RYR2: variants seen among roughly 807,000 people sequenced by gnomAD.
The protein encoded by RYR2 is cardiac muscle ryanodine receptor-calcium release channel.
RYR2 carries 227 observed loss-of-function variants against 601.1 expected under a neutral mutation model. That is an observed-to-expected ratio of 0.38 (90% CI 0.34 to 0.42). RYR2 has a LOEUF of 0.42. Among genes scored for constraint, RYR2 ranks in the 10% least tolerant of loss-of-function variants. The probability of loss-of-function intolerance (pLI) is 1.00; values close to 1 mark genes in which losing one functional copy is unlikely to be tolerated. For missense variants in RYR2, 4,646 were observed against 6,156.5 expected (o/e 0.75, Z 8.21); for synonymous variants, 2,223 against 2,175.1 (o/e 1.02, Z -0.61).
At chr1:237,095,339 G>A (rs1403598438) in intron 1 of RYR2, among the ~76,000 whole-genome samples, 1 of 152,174 alleles carries the variant, frequency 6.6e-6, no homozygotes, top group Non-Finnish European at 1.5e-5. Flanking sequence ...CGCTTCAATG[G>A]TAGAGGGTTT....
At chr1:237,182,452 C>T (rs919553808) in intron 1 of RYR2, among the ~76,000 whole-genome samples, 9 of 152,126 alleles carry the variant, frequency 5.9e-5, no homozygotes, top group Admixed American at 5.9e-4. Flanking sequence ...TATACCCTGC[C>T]TCACCTTCCC....
At chr1:237,167,920 G>A (rs1406281692) in intron 1 of RYR2, among the ~76,000 whole-genome samples, 1 of 152,020 alleles carries the variant, frequency 6.6e-6, no homozygotes, top group African/African-American at 2.4e-5. Flanking sequence ...AGTCAGTTTA[G>A]ACAAGAAAGT....
At position 237,610,517 on chromosome 1, in the gene RYR2, A is replaced by G. The variant is rs917302506; in HGVS notation, c.4684-245A>G. ...CTCTGTGCCATTCAGTATATGGGAA[A>G]GACACATCCCGAAACCTGTTTGACT... On this transcript the variant is annotated intron_variant, in intron 35 of 104. Coordinates refer to ENST00000366574, the MANE Select transcript of RYR2 (RefSeq NM_001035.3). This position sits in a 1 kb window ranked among gnomAD's most constrained non-coding sequence, Gnocchi z 4.9. Among the ~76,000 whole-genome samples, 4 of 152,192 alleles carry G rather than the reference A, an allele frequency of 2.6e-5. No individual in the cohort carries two copies. Among genetic ancestry groups the G allele is most frequent in the African/African-American group, 9.7e-5 (4 of 41,438 alleles).
At position 237,441,435 on chromosome 1, in the gene RYR2, C is replaced by T. The variant is rs757201844; in HGVS notation, c.1122C>T (p.Tyr374=). The stretch of plus-strand genomic sequence containing the variant: ...TAGACACAGGCCTATGGCTTACTTA[C>T]CAGTCTGTGGACGTGAAATCCGTGA... ...QHVDTGLWLT[Y]QSVDVKSVRM... is the part of the protein sequence containing the mutation. Residue 374 remains tyrosine (Y), a synonymous_variant, in exon 13 of 105, where the codon TAC becomes TAT. Transcript: ENST00000366574. 11 of 1,607,466 alleles carry T rather than the reference C, an allele frequency of 6.8e-6. No homozygotes were observed. In the South Asian group the frequency reaches 1.2e-4, roughly 18 times the overall value.
intron 63 of RYR2, among the ~76,000 whole-genome samples, chr1:237,690,026 G>T (rs918043564): frequency 6.6e-6 from 1 of 151,870 alleles, no homozygotes; most frequent in Non-Finnish European, 1.5e-5. Flanking sequence ...TAGTAGAAAC[G>T]GGGTTTCACC....
chr1:237,183,981 GAGAA>G (rs1295616233), intron 1 of RYR2, among the ~76,000 whole-genome samples: 1 of 152,176 alleles, frequency 6.6e-6, no homozygotes, highest in African/African-American at 2.4e-5. Flanking sequence ...AGCTGCATAA[GAGAA>G]AGAGATTCCA....
chr1:237,151,500 A>T (rs567553882), intron 1 of RYR2, among the ~76,000 whole-genome samples: 2 of 152,200 alleles, frequency 1.3e-5, no homozygotes, highest in Non-Finnish European at 2.9e-5. Flanking sequence ...ACTGAGCTGT[A>T]AGCAGGATAG....
At chr1:237,751,546 C>T (rs189198306) in intron 80 of RYR2, among the ~76,000 whole-genome samples, 61 of 152,248 alleles carry the variant, frequency 4.0e-4, no homozygotes, top group African/African-American at 1.4e-3. Flanking sequence ...TCTAAATATG[C>T]TGTATCCCTG....
chr1:237,297,673 A>C (rs1692926421), intron 2 of RYR2, among the ~76,000 whole-genome samples: 1 of 151,928 alleles, frequency 6.6e-6, no homozygotes. Context: ...TCACTGTAAA[A>C]GAGTATTCCT....
intron 24 of RYR2, among the ~76,000 whole-genome samples, chr1:237,525,177 T>C (rs946099751): frequency 2.6e-5 from 4 of 152,168 alleles, no homozygotes; most frequent in African/African-American, 9.7e-5. Flanking sequence ...TATATCTGTG[T>C]GTATCCACTT....
intron 1 of RYR2, among the ~76,000 whole-genome samples, chr1:237,224,899 T>A (rs2149159250): frequency 6.6e-6 from 1 of 152,246 alleles, no homozygotes; most frequent in Non-Finnish European, 1.5e-5. Context: ...CATCCCCACT[T>A]TACAGGTGAG....
At chr1:237,506,383 A>G (rs1487791744) in intron 22 of RYR2, among the ~76,000 whole-genome samples, 1 of 152,022 alleles carries the variant, frequency 6.6e-6, no homozygotes, top group Admixed American at 6.6e-5. Context: ...TAAAAATACA[A>G]AAAAATTAGC....
Position 237,249,463 on chromosome 1 carries a change from T to C in RYR2, c.49-21034T>C, listed in dbSNP as rs546475654. The stretch of plus-strand genomic sequence containing the variant: ...AGTATTAGTAACTATATTATGGTAC[T>C]TCATAGTTTACAAAGGGCTTTCATA... On this transcript the variant is annotated intron_variant, in intron 1 of 104. Transcript: ENST00000366574. Among the ~76,000 whole-genome samples, 5 of 152,338 alleles carry C rather than the reference T, an allele frequency of 3.3e-5. No homozygotes were observed. In the South Asian group the frequency reaches 1.0e-3, roughly 32 times the overall value.
chr1:237,415,474 T>C (rs1423895018), intron 10 of RYR2, among the ~76,000 whole-genome samples: 1 of 152,216 alleles, frequency 6.6e-6, no homozygotes, highest in East Asian at 1.9e-4. Flanking sequence ...TGTTGTGTTA[T>C]AATGGGAAGT....
intron 23 of RYR2, among the ~76,000 whole-genome samples, chr1:237,508,683 T>C (rs191240375): frequency 3.8e-4 from 58 of 151,438 alleles, no homozygotes; most frequent in Non-Finnish European, 6.9e-4. Context: ...TTAGTTCTGG[T>C]TGATACCATA....
chr1:237,335,883 A>G (rs1305200147), intron 3 of RYR2, among the ~76,000 whole-genome samples: 1 of 152,220 alleles, frequency 6.6e-6, no homozygotes, highest in Admixed American at 6.5e-5. Context: ...TTAAAAATCT[A>G]TAAAATTCAC....
chr1:237,761,183 G>C (rs1693406463), intron 84 of RYR2, among the ~76,000 whole-genome samples, 155 bp downstream of exon 84: 2 of 152,066 alleles, frequency 1.3e-5, no homozygotes, highest in African/African-American at 4.8e-5. Flanking sequence ...TTGGACACCG[G>C]TCACACCCTA....
At chr1:237,237,120 AC>A (rs1301591362) in intron 1 of RYR2, among the ~76,000 whole-genome samples, 1 of 152,088 alleles carries the variant, frequency 6.6e-6, no homozygotes, top group African/African-American at 2.4e-5. Flanking sequence ...TTCCCCTTCC[AC>A]CATGATTGTA....
rs1664027271 is a variant in RYR2 at position 237,833,351 on chromosome 1, G to GGCC, written c.*704_*705insGCC. 1 of 109,104 alleles carries GGCC rather than the reference G, an allele frequency of 9.2e-6. No homozygotes were observed. Among genetic ancestry groups the GGCC allele is most frequent in the African/African-American group, 3.7e-5 (1 of 26,808 alleles). The allele number at this position is 109,104 out of a possible 1,614,324, so 6.8% of individuals were successfully genotyped here. ...TTCTCATTCAGCTAAATTCACATTT[G>GGCC]CCCCCCCCCCCCGCCCCCGCCCCCA... On this transcript the variant is annotated 3_prime_UTR_variant, in exon 105 of 105. Coordinates refer to ENST00000366574, the MANE Select transcript of RYR2 (RefSeq NM_001035.3).
Sources: gnomAD v4.1 joint callset for allele counts (sites outside exome capture counted in the v4.1 genomes callset) on GRCh38, gnomAD v4.1.1 for gene constraint, Gnocchi (gnomAD v3.1) non-coding constraint, MANE v1.5 for transcripts, NCBI Gene and HGNC (gene_info 2026-07-23, HGNC 2026-07-21) for gene names.